NSD1: variants seen among roughly 807,000 people sequenced by gnomAD.
NSD1 encodes the protein nuclear receptor binding SET domain protein 1, also known as histone-lysine N-methyltransferase, H3 lysine-36 specific.
Under a neutral mutation model 242.7 loss-of-function variants are expected in NSD1, and 26 were observed. That is an observed-to-expected ratio of 0.11 (90% CI 0.08 to 0.15). The LOEUF (loss-of-function observed/expected upper bound fraction) is 0.15, where lower values mean the gene tolerates loss of function less well. Among genes scored for constraint, NSD1 ranks in the 10% least tolerant of loss-of-function variants. NSD1 has a pLI of 1.00. For missense variants in NSD1, 2,495 were observed against 3,272.8 expected, an observed-to-expected ratio of 0.76 and a Z score of 5.80; for synonymous variants, 1,106 against 1,178.1, an observed-to-expected ratio of 0.94 and a Z score of 1.25.
rs1760445776 is a variant in NSD1 at position 177,299,365 on chromosome 5, T to C, written c.*3906T>C. ...GTGAAGCCTGCACCCAACCCTGGAG[T>C]GGCCCAGTGCAATCCAGAGGTGGAA... On this transcript the variant is annotated 3_prime_UTR_variant, in exon 23 of 23. Coordinates refer to ENST00000439151, the MANE Select transcript of NSD1 (RefSeq NM_022455.5). 4.3e-6 allele frequency: 1 copy of C among 233,034 alleles called. No homozygotes were observed. Among genetic ancestry groups the C allele is most frequent in the South Asian group, 1.8e-4 (1 of 5,518 alleles). The allele number at this position is 233,034 out of a possible 1,614,324, so 14.4% of individuals were successfully genotyped here. A position where few individuals can be genotyped will look rare whatever the true frequency, so the allele number is the denominator to read the frequency against.
At chr5:177,293,791 C>T in intron 22 of NSD1, 41 bp from the exon 23 acceptor site, 1 of 1,609,070 alleles carries the variant, frequency 6.2e-7, no homozygotes, top group Non-Finnish European at 8.5e-7. Context: ...TGATATGTAT[C>T]TCTTTTTTCC....
intron 2 of NSD1, among the ~76,000 whole-genome samples, chr5:177,178,516 G>A (rs954951600): frequency 1.3e-5 from 2 of 152,100 alleles, no homozygotes; most frequent in African/African-American, 2.4e-5. Context: ...GTAAGCCACC[G>A]CACCCGGCCT....
intron 2 of NSD1, among the ~76,000 whole-genome samples, chr5:177,142,226 C>G (rs923018697): frequency 3.3e-5 from 5 of 152,102 alleles, no homozygotes; most frequent in Admixed American, 2.6e-4. Flanking sequence ...CATCTCAAAG[C>G]TGGAAACCTT....
chr5:177,212,325 TGAA>T (rs1763411597), intron 5 of NSD1, 130 bp downstream of exon 5: 4 of 888,016 alleles, frequency 4.5e-6, no homozygotes, highest in South Asian at 3.0e-5. Context: ...ATCACTTCAA[TGAA>T]GAAGGAGTTT....
intron 2 of NSD1, among the ~76,000 whole-genome samples, chr5:177,168,451 T>C (rs1241448832): frequency 7.4e-6 from 1 of 134,616 alleles, no homozygotes; most frequent in Non-Finnish European, 1.7e-5. Flanking sequence ...TGTTCATTGC[T>C]TTTTTTTTTT....
rs199690751 is a variant in NSD1 at position 177,282,606 on chromosome 5, C to T, written c.6009+25C>T. 1.5e-5 allele frequency: 21 copies of T among 1,447,992 alleles called. No individual in the cohort carries two copies. The Admixed American group carries it at 1.8e-4, about 13-fold the overall frequency. The allele number at this position is 1,447,992 out of a possible 1,614,324, so 89.7% of individuals were successfully genotyped here. ...AGTAAGTAATGGGAAATGCTGTTTT[C>T]ACTGTTACAAGATTGTAAATTTGTG... On this transcript the variant is annotated intron_variant, in intron 19 of 22. Transcript: ENST00000439151.
At chr5:177,194,549 C>T (rs1324333579) in intron 3 of NSD1, among the ~76,000 whole-genome samples, 11 of 138,854 alleles carry the variant, frequency 7.9e-5, no homozygotes, top group Non-Finnish European at 1.5e-4. Flanking sequence ...TTCCGGAGTG[C>T]TGGAATTACA....
chr5:177,227,630 A>G (rs1026917648), intron 5 of NSD1, among the ~76,000 whole-genome samples: 5 of 152,098 alleles, frequency 3.3e-5, no homozygotes, highest in Non-Finnish European at 7.4e-5. Flanking sequence ...TAGTAGGGAC[A>G]GGGTTTCGCC....
At chr5:177,191,518 A>AT (rs879291802) in intron 2 of NSD1, among the ~76,000 whole-genome samples, 83 of 147,500 alleles carry the variant, frequency 5.6e-4, no homozygotes, top group East Asian at 4.4e-3. Flanking sequence ...TTTTTTCTCC[A>AT]TTTTTTTTTT....
At chr5:177,166,688 A>C (rs968633577) in intron 2 of NSD1, among the ~76,000 whole-genome samples, 4 of 151,524 alleles carry the variant, frequency 2.6e-5, no homozygotes, top group Non-Finnish European at 5.9e-5. Flanking sequence ...ATTTTCTTAT[A>C]AAAGTTTTGT....
At position 177,300,068 on chromosome 5, in the gene NSD1, C is replaced by G. The variant is rs1198286251; in HGVS notation, c.*4609C>G. The G allele has an allele frequency of 1.0e-5, 2 of 198,592 alleles. No individual in the cohort carries two copies. Among genetic ancestry groups the G allele is most frequent in the South Asian group, 4.5e-4 (2 of 4,444 alleles). 12.3% of individuals were successfully genotyped at this position (198,592 alleles called of 1,614,324 possible). A position where few individuals can be genotyped will look rare whatever the true frequency, so the allele number is the denominator to read the frequency against. ...TGCTTTTTTGCCGCGCCCCCCCCCC[C>G]CCGCCCCCATAGATTGTCAGCTGTA... On this transcript the variant is annotated 3_prime_UTR_variant, in exon 23 of 23. Coordinates refer to ENST00000439151, the MANE Select transcript of NSD1 (RefSeq NM_022455.5).
intron 2 of NSD1, among the ~76,000 whole-genome samples, chr5:177,184,984 CTT>C (rs761663046): frequency 2.0e-5 from 3 of 152,096 alleles, no homozygotes; most frequent in South Asian, 2.1e-4. Flanking sequence ...GTGTTTTTGT[CTT>C]ATATATTGCT....
At chr5:177,168,353 C>T (rs1759385081) in intron 2 of NSD1, among the ~76,000 whole-genome samples, 1 of 151,802 alleles carries the variant, frequency 6.6e-6, no homozygotes, top group South Asian at 2.1e-4. Context: ...TGGGACTTAG[C>T]CCTGTTGTAA....
intron 21 of NSD1, 112 bp downstream of exon 21, chr5:177,289,037 C>T (rs1759562409): frequency 1.2e-6 from 1 of 824,764 alleles, no homozygotes; most frequent in Non-Finnish European, 2.0e-6. Flanking sequence ...TAATGACATT[C>T]AGCCAGGCAT....
chr5:177,220,904 A>T, intron 5 of NSD1: 1 of 375,898 alleles, frequency 2.7e-6, no homozygotes, highest in Non-Finnish European at 5.2e-6. Flanking sequence ...TCCCTCTGTC[A>T]TCCAGGCTGT....
Position 177,238,324 on chromosome 5 carries a change from T to G in NSD1, c.4009T>G (p.Ser1337Ala), listed in dbSNP as rs1368609546. 1.2e-6 allele frequency: 2 copies of G among 1,614,008 alleles called. No homozygotes were observed. Among genetic ancestry groups the G allele is most frequent in the African/African-American group, 2.7e-5 (2 of 74,922 alleles). Residue 1337 changes from serine to alanine, a missense_variant, in exon 7 of 23, where the codon TCA becomes GCA. By Grantham distance (99) the Ser-to-Ala change is moderately conservative. Coordinates refer to ENST00000439151, the MANE Select transcript of NSD1 (RefSeq NM_022455.5). This position sits in a 1 kb window ranked among gnomAD's most constrained non-coding sequence, Gnocchi z 4.6. ...NKQVDENSLI[S>A]TKEEPPVLER... ...GCAGGTGGACGAGAATTCTTTGATT[T>G]CAACCAAAGAAGAGCCTCCAGTTCT...
chr5:177,262,713 T>C (rs1040361474), intron 14 of NSD1, among the ~76,000 whole-genome samples: 1 of 152,218 alleles, frequency 6.6e-6, no homozygotes, highest in Admixed American at 6.5e-5. Flanking sequence ...ACCCCATCTC[T>C]GCTAAAAATA....
rs768982432 is a variant in NSD1, at chr5:177,173,466, C to CTTTTTTT, written c.928-18400_928-18394dup. 4.8e-4 allele frequency among the ~76,000 whole-genome samples: 30 copies of CTTTTTTT among 62,206 alleles called. 1 individual carries two copies. The highest frequency in any genetic ancestry group is 1.1e-3 in the African/African-American group (15 of 13,210). The allele number at this position is 62,206 out of a possible 152,430, so 40.8% of individuals were successfully genotyped here. A position where few individuals can be genotyped will look rare whatever the true frequency, so the allele number is the denominator to read the frequency against. On this transcript the variant is annotated intron_variant, in intron 2 of 22. Transcript: ENST00000439151. ...AGAATCTAAAATATTTACTATCTGG[C>CTTTTTTT]TTTTTTTTTTTTTTTTTTTTTTTTG...
At chr5:177,180,078 T>A (rs1306906743) in intron 2 of NSD1, among the ~76,000 whole-genome samples, 1 of 151,388 alleles carries the variant, frequency 6.6e-6, no homozygotes, top group Non-Finnish European at 1.5e-5. Flanking sequence ...TTTTTGTTTT[T>A]TTATTTTTTA....
Sources: allele counts gnomAD v4.1 joint callset (sites outside exome capture counted in the v4.1 genomes callset), GRCh38; gene constraint gnomAD v4.1.1; non-coding constraint Gnocchi (gnomAD v3.1); transcripts MANE v1.5; gene names NCBI Gene and HGNC (gene_info 2026-07-23, HGNC 2026-07-21).